The following MAPKAP1 variants were observed in gnomAD, a reference collection of about 807,000 sequenced individuals.
MAPKAP1 encodes the protein MAPK associated protein 1.
Under a neutral mutation model 65.7 loss-of-function variants are expected in MAPKAP1, and 20 were observed. The ratio of observed to expected loss-of-function variants is 0.30; its 90% CI spans 0.21 to 0.44. The LOEUF is 0.44. Ranked by LOEUF, MAPKAP1 falls within the 20% of genes least tolerant of loss-of-function variation. The pLI, the probability that MAPKAP1 is intolerant of heterozygous loss-of-function variation, is 1.00. For synonymous variants in MAPKAP1, 222 were observed against 244.3 expected (o/e 0.91, Z 0.85); for missense variants, 423 against 648.0 (o/e 0.65, Z 3.77).
intron 4 of MAPKAP1, among the ~76,000 whole-genome samples, chr9:125,643,903 T>C (rs1833650389): frequency 6.6e-6 from 1 of 152,238 alleles, no homozygotes; most frequent in South Asian, 2.1e-4. Context: ...ATACTATTGT[T>C]GTTTCATTTT....
At chr9:125,683,681 G>C (rs1199350525) in intron 1 of MAPKAP1, among the ~76,000 whole-genome samples, 1 of 152,108 alleles carries the variant, frequency 6.6e-6, no homozygotes, top group African/African-American at 2.4e-5. Flanking sequence ...ATCCCTTTAA[G>C]AGCATGAACA....
At chr9:125,469,286 A>G (rs1853805988) in intron 9 of MAPKAP1, among the ~76,000 whole-genome samples, 1 of 152,234 alleles carries the variant, frequency 6.6e-6, no homozygotes, top group African/African-American at 2.4e-5. Context: ...AAATTTTTGA[A>G]CAAAATGTGA....
chr9:125,674,575 G>C (rs1415925689), intron 1 of MAPKAP1, among the ~76,000 whole-genome samples: 1 of 152,186 alleles, frequency 6.6e-6, no homozygotes, highest in African/African-American at 2.4e-5. Flanking sequence ...ATGGAACATA[G>C]AGAGGAAATC....
chr9:125,600,639 T>G (rs1832273980), intron 4 of MAPKAP1, among the ~76,000 whole-genome samples: 1 of 152,214 alleles, frequency 6.6e-6, no homozygotes, highest in South Asian at 2.1e-4. Flanking sequence ...AACATGAAAT[T>G]GAGAAGTAGG....
At chr9:125,526,925 C>T (rs1041863968) in intron 7 of MAPKAP1, among the ~76,000 whole-genome samples, 14 of 151,892 alleles carry the variant, frequency 9.2e-5, no homozygotes, top group Admixed American at 6.6e-5. Flanking sequence ...AGGCGTGTGC[C>T]ACCACGCCCA....
intron 9 of MAPKAP1, among the ~76,000 whole-genome samples, chr9:125,468,732 C>T (rs1853779589): frequency 6.6e-6 from 1 of 152,206 alleles, no homozygotes; most frequent in African/African-American, 2.4e-5. Flanking sequence ...GTCTTGGAGC[C>T]TGGCTTCAGG....
chr9:125,505,597 G>A (rs572392742), intron 8 of MAPKAP1, among the ~76,000 whole-genome samples: 1 of 152,378 alleles, frequency 6.6e-6, no homozygotes, highest in East Asian at 1.9e-4. Context: ...AGCAATGGGG[G>A]ACAGGAAGAT....
At position 125,625,101 on chromosome 9, in the gene MAPKAP1, G is replaced by A. The variant is rs1370940551; in HGVS notation, c.498+32550C>T. ...TCAAGTACCCAGGGACACAAACGCT[G>A]CGGAAGGCCGCAGGGTCCTCTGCCT... On this transcript the variant is annotated intron_variant, in intron 4 of 11. Transcript: ENST00000265960. 9.3e-5 allele frequency among the ~76,000 whole-genome samples: 8 copies of A among 86,278 alleles called. 1 individual carries two copies. Among genetic ancestry groups the A allele is most frequent in the Admixed American group, 1.4e-4 (1 of 7,360 alleles). The allele number at this position is 86,278 out of a possible 152,430, so 56.6% of individuals were successfully genotyped here. A position where few individuals can be genotyped will look rare whatever the true frequency, so the allele number is the denominator to read the frequency against.
chr9:125,439,722 C>T lies in MAPKAP1; in HGVS notation c.1444-710G>A, dbSNP rs924883718. On this transcript the variant is annotated intron_variant, in intron 11 of 11. Coordinates refer to ENST00000265960, the MANE Select transcript of MAPKAP1 (RefSeq NM_001006617.3). This position sits in a 1 kb window ranked among gnomAD's most constrained non-coding sequence, Gnocchi z 4.0. ...GAAGCCCTGGGAGTCTGCCCGGAGT[C>T]GCATGTGCATCTTCCACTCTGTGTA... is the stretch of plus-strand genomic sequence containing the variant. Among the ~76,000 whole-genome samples, 3 of 152,082 alleles carry T rather than the reference C, an allele frequency of 2.0e-5. No homozygotes were observed. The highest frequency in any genetic ancestry group is 2.1e-4 in the South Asian group (1 of 4,830).
chr9:125,623,563 C>T (rs1323886647), intron 4 of MAPKAP1, among the ~76,000 whole-genome samples: 2,695 of 6,600 alleles, frequency 0.41, 617 homozygotes, highest in Middle Eastern at 0.67. Flanking sequence ...TGCCTGGCAA[C>T]CACCCCGTCT....
In MAPKAP1 at chr9:125,635,798, T is replaced by A. The variant is rs142349662; in HGVS notation, c.498+21853A>T. Among the ~76,000 whole-genome samples the A allele has an allele frequency of 2.0e-3, 305 of 152,362 alleles. 2 individuals are homozygous for A. Among genetic ancestry groups the A allele is most frequent in the Admixed American group, 3.7e-3 (56 of 15,300 alleles). On this transcript the variant is annotated intron_variant, in intron 4 of 11. Coordinates refer to ENST00000265960, the MANE Select transcript of MAPKAP1 (RefSeq NM_001006617.3). ...AAGTCTTTATACAGAAATTTCTTAA[T>A]GCTTCTTTATTGTCATTTGCATACC... is the stretch of plus-strand genomic sequence containing the variant.
chr9:125,627,671 A>G lies in MAPKAP1; in HGVS notation c.498+29980T>C, dbSNP rs938089712. On this transcript the variant is annotated intron_variant, in intron 4 of 11. Coordinates refer to ENST00000265960, the MANE Select transcript of MAPKAP1 (RefSeq NM_001006617.3). ...GTAGCTGGGACTACAGGTGTGTGCC[A>G]CTGTGCCCAGCTTTTCATCTGACTC... Among the ~76,000 whole-genome samples, 6 of 152,094 alleles carry G rather than the reference A, an allele frequency of 3.9e-5. No individual in the cohort carries two copies. The East Asian group carries it at 1.2e-3, about 29-fold the overall frequency.
chr9:125,474,412 G>A (rs1375174875), intron 9 of MAPKAP1, among the ~76,000 whole-genome samples: 1 of 152,170 alleles, frequency 6.6e-6, no homozygotes, highest in Non-Finnish European at 1.5e-5. Context: ...GGGTCTCCAG[G>A]CCACAAATTT....
intron 7 of MAPKAP1, chr9:125,521,388 G>T: frequency 1.2e-6 from 1 of 817,402 alleles, no homozygotes; most frequent in African/African-American, 1.8e-5. Flanking sequence ...AATCCAATCT[G>T]TTTCTCTTAA....
chr9:125,531,370 A>C (rs888690773), intron 7 of MAPKAP1, among the ~76,000 whole-genome samples: 5 of 152,262 alleles, frequency 3.3e-5, no homozygotes, highest in African/African-American at 1.2e-4. Flanking sequence ...AACTGATTCA[A>C]ATAGTTGTTT....
intron 7 of MAPKAP1, among the ~76,000 whole-genome samples, chr9:125,510,601 C>T (rs938381497): frequency 2.0e-5 from 3 of 152,146 alleles, no homozygotes; most frequent in African/African-American, 7.2e-5. Flanking sequence ...CGTGTGTTTT[C>T]TGCCCTGGGT....
At chr9:125,545,098 G>T (rs550935275) in intron 6 of MAPKAP1, among the ~76,000 whole-genome samples, 1 of 152,202 alleles carries the variant, frequency 6.6e-6, no homozygotes, top group Non-Finnish European at 1.5e-5. Flanking sequence ...CCTGAGAACT[G>T]TCAAGCTAAT....
intron 7 of MAPKAP1, among the ~76,000 whole-genome samples, chr9:125,514,291 T>TG (rs1465893331): frequency 1.3e-5 from 2 of 152,046 alleles, no homozygotes; most frequent in Admixed American, 1.3e-4. Context: ...GTTCCTACCT[T>TG]GGTAGGAACA....
chr9:125,669,997 GT>G (rs1404573942), intron 2 of MAPKAP1, 90 bp from the exon 3 acceptor site: 16 of 709,592 alleles, frequency 2.3e-5, no homozygotes, highest in Non-Finnish European at 2.3e-6. Context: ...GAATAAAGAT[GT>G]TTTATATTGC....
Sources: allele counts gnomAD v4.1 joint callset (sites outside exome capture counted in the v4.1 genomes callset), GRCh38; gene constraint gnomAD v4.1.1; non-coding constraint Gnocchi (gnomAD v3.1); transcripts MANE v1.5; gene names NCBI Gene and HGNC (gene_info 2026-07-23, HGNC 2026-07-21).